POU6F2: variants seen among roughly 807,000 people sequenced by gnomAD.
The protein encoded by POU6F2 is POU domain, class 6, transcription factor 2.
Under a neutral mutation model 71.3 loss-of-function variants are expected in POU6F2, and 31 were observed. The ratio of observed to expected loss-of-function variants is 0.43; its 90% CI spans 0.33 to 0.59. The LOEUF (loss-of-function observed/expected upper bound fraction) is 0.59, where lower values mean the gene tolerates loss of function less well. POU6F2 is among the 20% of genes least tolerant of loss of function. The pLI is 0.04. For synonymous variants in POU6F2, 347 were observed against 355.7 expected (o/e 0.98, Z 0.27); for missense variants, 783 against 856.8 (o/e 0.91, Z 1.07).
intron 1 of POU6F2, among the ~76,000 whole-genome samples, chr7:39,029,957 A>G (rs1274921234): frequency 6.6e-6 from 1 of 152,082 alleles, no homozygotes; most frequent in Non-Finnish European, 1.5e-5. Flanking sequence ...GACCTTTTGC[A>G]TCTTTGCTCA....
rs1367420879 is a variant in POU6F2 at position 39,468,575 on chromosome 7, T to TA, written c.*3895dup. 2 of 152,184 alleles carry TA rather than the reference T, an allele frequency of 1.3e-5. No homozygotes were observed. The highest frequency in any genetic ancestry group is 2.4e-5 in the African/African-American group (1 of 41,432). 9.4% of individuals were successfully genotyped at this position (152,184 alleles called of 1,614,324 possible). Reference sequence around the variant, plus strand: ...GATCTGTCACTTTTAATTTGTACCATAAAAAATAAATAATTGTTTGACATG... The same window carrying TA: ...GATCTGTCACTTTTAATTTGTACCATAAAAAAATAAATAATTGTTTGACATG... On this transcript the variant is annotated 3_prime_UTR_variant, in exon 10 of 10. Coordinates refer to ENST00000518318, the MANE Select transcript of POU6F2 (RefSeq NM_001370959.1).
chr7:39,012,096 C>A (rs981699766), intron 1 of POU6F2, among the ~76,000 whole-genome samples: 5 of 151,630 alleles, frequency 3.3e-5, no homozygotes, highest in Non-Finnish European at 5.9e-5. Flanking sequence ...GGAAGTTCTC[C>A]TGGATAATAT....
At chr7:39,108,802 G>A (rs1462473914) in intron 2 of POU6F2, among the ~76,000 whole-genome samples, 1 of 152,120 alleles carries the variant, frequency 6.6e-6, no homozygotes, top group Non-Finnish European at 1.5e-5. Flanking sequence ...TGTGTATGGA[G>A]TATGCAATAA....
At position 39,104,335 on chromosome 7, in the gene POU6F2, T is replaced by TAG. The variant is rs1248826808; in HGVS notation, c.277+18304_277+18305insAG. Among the ~76,000 whole-genome samples the TAG allele has an allele frequency of 7.2e-5, 11 of 152,370 alleles. No homozygotes were observed. In the East Asian group the frequency reaches 2.1e-3, roughly 29 times the overall value. On this transcript the variant is annotated intron_variant, in intron 2 of 9. Transcript: ENST00000518318. Reference sequence around the variant, plus strand: ...GGCAAGCCTGGTAGAGATAGTGCATTTCTGTCTGACTTAGTGTTAGCTGTG... The same window carrying TAG: ...GGCAAGCCTGGTAGAGATAGTGCATTAGTCTGTCTGACTTAGTGTTAGCTGTG...
chr7:39,130,053 C>A (rs934706911), intron 2 of POU6F2, among the ~76,000 whole-genome samples: 42 of 122,580 alleles, frequency 3.4e-4, no homozygotes, highest in African/African-American at 1.3e-3. Flanking sequence ...GGCGACAGAG[C>A]GAGACTCCAT....
intron 4 of POU6F2, among the ~76,000 whole-genome samples, chr7:39,226,480 C>T (rs778009529): frequency 1.3e-5 from 2 of 152,182 alleles, no homozygotes; most frequent in Non-Finnish European, 2.9e-5. Context: ...TCTAACCACA[C>T]ATTTAAAAGC....
intron 4 of POU6F2, among the ~76,000 whole-genome samples, chr7:39,288,937 G>A (rs1784697905): frequency 6.6e-6 from 1 of 152,006 alleles, no homozygotes; most frequent in Non-Finnish European, 1.5e-5. Context: ...TCCATCCTTA[G>A]AATAAAAGAT....
chr7:39,066,200 AT>A (rs1182909946), intron 1 of POU6F2, among the ~76,000 whole-genome samples: 7 of 151,730 alleles, frequency 4.6e-5, no homozygotes, highest in Non-Finnish European at 7.4e-5. Context: ...TTCTGGTTTA[AT>A]TTTTTTGGAT....
At chr7:39,105,922 C>T (rs556467304) in intron 2 of POU6F2, among the ~76,000 whole-genome samples, 1 of 152,298 alleles carries the variant, frequency 6.6e-6, no homozygotes, top group East Asian at 1.9e-4. Flanking sequence ...ACACACAGTA[C>T]AGCCAGGGAT....
chr7:39,318,127 G>A (rs559970652), intron 4 of POU6F2, among the ~76,000 whole-genome samples: 8 of 152,112 alleles, frequency 5.3e-5, no homozygotes, highest in Non-Finnish European at 7.3e-5. Context: ...GCTCAAACAC[G>A]TTGATAATTT....
chr7:39,047,185 C>T (rs1790307101), intron 1 of POU6F2, among the ~76,000 whole-genome samples: 1 of 151,818 alleles, frequency 6.6e-6, no homozygotes, highest in Non-Finnish European at 1.5e-5. Context: ...CAGGTTATTC[C>T]AGGCTCTCTG....
chr7:39,031,990 A>C (rs937723982), intron 1 of POU6F2, among the ~76,000 whole-genome samples: 4 of 152,148 alleles, frequency 2.6e-5, no homozygotes, highest in South Asian at 2.1e-4. Context: ...GTTGCGTCCC[A>C]CTGAATCCGA....
chr7:39,040,033 A>G (rs1305582589), intron 1 of POU6F2, among the ~76,000 whole-genome samples: 5 of 34,032 alleles, frequency 1.5e-4, no homozygotes, highest in Non-Finnish European at 3.0e-4. Context: ...AAATGTCTGC[A>G]CTGGCTTGCT....
rs573955703 is a variant in POU6F2 at position 39,175,853 on chromosome 7, CTT to C, written c.278-28381_278-28380del. Among the ~76,000 whole-genome samples, 4 of 152,198 alleles carry C rather than the reference CTT, an allele frequency of 2.6e-5. No homozygotes were observed. The South Asian group carries it at 8.3e-4, about 32-fold the overall frequency. ...CCACTCCAGAAACCTGGATATCATCCTTGAGTCCCCTCCACCCATCCCTTCAG... is the reference window on the plus strand; with the variant it reads ...CCACTCCAGAAACCTGGATATCATCCGAGTCCCCTCCACCCATCCCTTCAG... On this transcript the variant is annotated intron_variant, in intron 2 of 9. Coordinates refer to ENST00000518318, the MANE Select transcript of POU6F2 (RefSeq NM_001370959.1).
rs1788665438 is a variant in POU6F2, at chr7:39,451,663, C to G, written c.1451C>G (p.Ser484Cys). The G allele has an allele frequency of 6.2e-7, 1 of 1,610,034 alleles. No individual in the cohort carries two copies. The change falls in exon 8 of 10, where the codon TCC becomes TGC. Residue 484 changes from serine to cysteine, a missense_variant. Physicochemically the swap from Ser to Cys is moderately radical, Grantham distance 112 (BLOSUM62 -1). Transcript: ENST00000518318. Reference protein sequence around the residue: ...RQASSSSSSSSSSSALSVGQL... With the variant: ...RQASSSSSSSCSSSALSVGQL... ...GCTTCCTCTTCTTCCTCCTCATCCT[C>G]CTCTTCTTCAGCTTTGAGCGTGGGC...
At position 38,982,221 on chromosome 7, in the gene POU6F2, T is replaced by C. The variant is rs537907254; in HGVS notation, c.105+4163T>C. 1.4e-3 allele frequency among the ~76,000 whole-genome samples: 216 copies of C among 152,278 alleles called. 1 individual carries two copies. The highest frequency in any genetic ancestry group is 5.0e-3 in the African/African-American group (209 of 41,562). The stretch of plus-strand genomic sequence containing the variant: ...CATATACTCTTAAAAAAAGTCATTT[T>C]TGTGGGTGTGAATGCCTGTATTTTT... On this transcript the variant is annotated intron_variant, in intron 1 of 9. Coordinates refer to ENST00000518318, the MANE Select transcript of POU6F2 (RefSeq NM_001370959.1).
intron 2 of POU6F2, among the ~76,000 whole-genome samples, chr7:39,151,124 T>G (rs1020783363): frequency 3.3e-5 from 5 of 152,146 alleles, no homozygotes; most frequent in Non-Finnish European, 5.9e-5. Context: ...TGATTCCAAA[T>G]GCACTACTGA....
At chr7:39,458,386 T>A (rs115096053) in intron 8 of POU6F2, among the ~76,000 whole-genome samples, 49,715 of 146,756 alleles carry the variant, frequency 0.34, 8,949 homozygotes, top group East Asian at 0.55. Flanking sequence ...TAGCAAGTGC[T>A]TTTTTTTTTA....
At chr7:38,997,814 C>T (rs1465764294) in intron 1 of POU6F2, among the ~76,000 whole-genome samples, 1 of 152,184 alleles carries the variant, frequency 6.6e-6, no homozygotes, top group Non-Finnish European at 1.5e-5. Flanking sequence ...TAAGTTGCTC[C>T]TTCCCTGAAG....
Sources: allele counts gnomAD v4.1 joint callset (sites outside exome capture counted in the v4.1 genomes callset), GRCh38; gene constraint gnomAD v4.1.1; transcripts MANE v1.5; gene names NCBI Gene and HGNC (gene_info 2026-07-23, HGNC 2026-07-21).